Variants in RFX3 observed in about 807,000 individuals in gnomAD.
RFX3 encodes the protein transcription factor RFX3.
RFX3 carries 14 observed loss-of-function variants against 98.6 expected under a neutral mutation model. The ratio of observed to expected loss-of-function variants is 0.14; its 90% CI spans 0.09 to 0.22. RFX3 has a LOEUF of 0.22. RFX3 is among the 10% of genes least tolerant of loss of function. The probability of loss-of-function intolerance (pLI) is 1.00; values close to 1 mark genes in which losing one functional copy is unlikely to be tolerated. For synonymous variants in RFX3, 383 were observed against 328.4 expected (o/e 1.17, Z -1.80); for missense variants, 639 against 926.9 (o/e 0.69, Z 4.03).
rs2130073262 is a variant in RFX3 at position 3,301,527 on chromosome 9, T to C, written c.549+19A>G. ...AGAACAAGCAAGAGATTAGTGTACA[T>C]GAAGAAGAGGCAACTTACATGGCTG... is the stretch of plus-strand genomic sequence containing the variant. On this transcript the variant is annotated intron_variant, in intron 5 of 16. Transcript: ENST00000617270. 4 of 1,566,910 alleles carry C rather than the reference T, an allele frequency of 2.6e-6. No homozygotes were observed. In the East Asian group the frequency reaches 6.8e-5, roughly 27 times the overall value.
intron 4 of RFX3, among the ~76,000 whole-genome samples, chr9:3,321,114 G>C (rs1339437290): frequency 6.6e-6 from 1 of 151,956 alleles, no homozygotes; most frequent in South Asian, 2.1e-4. Flanking sequence ...ATGTTGGTCA[G>C]GCTGGTCTCG....
chr9:3,376,096 T>C (rs907718991), intron 2 of RFX3, among the ~76,000 whole-genome samples: 6 of 152,174 alleles, frequency 3.9e-5, no homozygotes, highest in African/African-American at 1.4e-4. Context: ...GATAGTATTA[T>C]TAGTCATCAG....
At chr9:3,335,034 G>A (rs753519489) in intron 3 of RFX3, among the ~76,000 whole-genome samples, 15 of 151,928 alleles carry the variant, frequency 9.9e-5, no homozygotes, top group African/African-American at 2.7e-4. Context: ...CAGGAGAATC[G>A]CTTGAACCTG....
At chr9:3,389,412 T>A (rs1274014380) in intron 2 of RFX3, among the ~76,000 whole-genome samples, 1 of 152,146 alleles carries the variant, frequency 6.6e-6, no homozygotes, top group Non-Finnish European at 1.5e-5. Context: ...ATAGGATGGG[T>A]AATATCAAAA....
At chr9:3,524,814 G>C (rs1032105577) in intron 1 of RFX3, among the ~76,000 whole-genome samples, 1 of 139,390 alleles carries the variant, frequency 7.2e-6, no homozygotes, top group African/African-American at 2.7e-5. Context: ...CCTGCATCCG[G>C]TTTAAATCAC....
At chr9:3,226,026 A>G (rs1259832463) in intron 16 of RFX3, among the ~76,000 whole-genome samples, 3 of 152,198 alleles carry the variant, frequency 2.0e-5, no homozygotes, top group African/African-American at 7.2e-5. Flanking sequence ...CATCATTATA[A>G]TAGAATGCCA....
chr9:3,322,968 GTCAC>G (rs1831480617), intron 4 of RFX3, among the ~76,000 whole-genome samples: 1 of 152,016 alleles, frequency 6.6e-6, no homozygotes, highest in South Asian at 2.1e-4. Context: ...AGATGAAAAA[GTCAC>G]TCAAACTTAC....
intron 1 of RFX3, among the ~76,000 whole-genome samples, chr9:3,405,393 C>G (rs1321484191): frequency 6.6e-6 from 1 of 152,138 alleles, no homozygotes; most frequent in Admixed American, 6.6e-5. Context: ...AGCTACAGTT[C>G]TAGATTTTTA....
Position 3,441,601 on chromosome 9 carries a change from ACAGGAGC to A in RFX3, c.-8-46012_-8-46006del, listed in dbSNP as rs1277973925. ...GTGGAGGGTAACAAGTTAAGGAGACACAGGAGCCAACCTAAAAGAGCTCTCAATGGCC... is the reference window on the plus strand; with the variant it reads ...GTGGAGGGTAACAAGTTAAGGAGACACAACCTAAAAGAGCTCTCAATGGCC... On this transcript the variant is annotated intron_variant, in intron 1 of 16. Transcript: ENST00000617270. Among the ~76,000 whole-genome samples the A allele has an allele frequency of 3.9e-5, 6 of 152,206 alleles. No individual in the cohort carries two copies. In the East Asian group the frequency reaches 1.2e-3, roughly 29 times the overall value.
At chr9:3,322,825 A>C (rs1459989517) in intron 4 of RFX3, among the ~76,000 whole-genome samples, 1 of 152,190 alleles carries the variant, frequency 6.6e-6, no homozygotes, top group Non-Finnish European at 1.5e-5. Flanking sequence ...TATCAAGTAC[A>C]CAATCACATC....
chr9:3,333,440 T>TG (rs938957335), intron 3 of RFX3, among the ~76,000 whole-genome samples: 6 of 123,636 alleles, frequency 4.9e-5, no homozygotes, highest in African/African-American at 1.8e-4. Flanking sequence ...AAAATGTTTT[T>TG]TTTTTTTTTT....
chr9:3,424,078 T>A (rs886425071), intron 1 of RFX3, among the ~76,000 whole-genome samples: 4 of 148,624 alleles, frequency 2.7e-5, no homozygotes, highest in Non-Finnish European at 6.0e-5. Context: ...ACCCGGGAGG[T>A]GGAGCTTGCA....
chr9:3,245,700 A>T (rs896458291), intron 15 of RFX3, among the ~76,000 whole-genome samples: 1 of 152,216 alleles, frequency 6.6e-6, no homozygotes, highest in Admixed American at 6.5e-5. Context: ...ATCTTCATTA[A>T]GTATATAATA....
chr9:3,305,075 T>C (rs909808964), intron 4 of RFX3, among the ~76,000 whole-genome samples: 1 of 151,908 alleles, frequency 6.6e-6, no homozygotes, highest in Non-Finnish European at 1.5e-5. Flanking sequence ...AAGATGGAAG[T>C]GTTCAGGGGG....
intron 1 of RFX3, among the ~76,000 whole-genome samples, chr9:3,414,846 AAGTATATATG>A (rs1564069778): frequency 1.4e-5 from 1 of 70,450 alleles, no homozygotes; most frequent in Non-Finnish European, 3.4e-5. Context: ...GAGTATATAT[AAGTATATATG>A]AGTATATATG....
intron 1 of RFX3, among the ~76,000 whole-genome samples, chr9:3,479,897 T>C (rs907703285): frequency 2.6e-5 from 4 of 152,164 alleles, no homozygotes; most frequent in Admixed American, 6.6e-5. Context: ...TTCACCCAAG[T>C]ATAGGCCAAA....
At chr9:3,313,052 G>A (rs538552501) in intron 4 of RFX3, among the ~76,000 whole-genome samples, 24 of 152,286 alleles carry the variant, frequency 1.6e-4, no homozygotes, top group African/African-American at 5.5e-4. Flanking sequence ...ATCTAAGAAC[G>A]GACAGATTGC....
intron 7 of RFX3, among the ~76,000 whole-genome samples, chr9:3,285,151 A>G (rs560213441): frequency 2.6e-5 from 4 of 151,836 alleles, no homozygotes; most frequent in Non-Finnish European, 5.9e-5. Context: ...TTTCTTCACT[A>G]TAAGAACATA....
intron 1 of RFX3, among the ~76,000 whole-genome samples, chr9:3,516,725 ACTCTCT>A (rs139117644): frequency 8.8e-5 from 13 of 148,320 alleles, no homozygotes; most frequent in African/African-American, 2.2e-4. Context: ...TCGCTTTCGC[ACTCTCT>A]CTCTCTCTCT....
Sources: gnomAD v4.1 joint callset for allele counts (sites outside exome capture counted in the v4.1 genomes callset) on GRCh38, gnomAD v4.1.1 for gene constraint, MANE v1.5 for transcripts, NCBI Gene and HGNC (gene_info 2026-07-23, HGNC 2026-07-21) for gene names.